Variants in ASB3 observed in about 807,000 individuals in gnomAD.
ASB3 encodes the protein ankyrin repeat and SOCS box protein 3.
In ASB3, 41 loss-of-function variants were observed where a neutral mutation model predicts 54.5. The observed-to-expected ratio is 0.75, with a 90% CI of 0.59 to 0.98. The LOEUF is 0.98. Ranked by LOEUF, ASB3 falls within the 50% of genes least tolerant of loss-of-function variation. The pLI, the probability that ASB3 is intolerant of heterozygous loss-of-function variation, is 0.00. For synonymous variants in ASB3, 266 were observed against 221.2 expected (o/e 1.20, Z -1.80); for missense variants, 733 against 620.0 (o/e 1.18, Z -1.94).
chr2:53,683,149 C>T (rs900128121), intron 9 of ASB3, among the ~76,000 whole-genome samples: 13 of 152,082 alleles, frequency 8.5e-5, no homozygotes, highest in Non-Finnish European at 1.6e-4. Context: ...GAGGCATACC[C>T]GGTTTTTTGA....
chr2:53,721,293 G>A (rs1025491324), intron 5 of ASB3, among the ~76,000 whole-genome samples: 7 of 149,922 alleles, frequency 4.7e-5, no homozygotes, highest in East Asian at 3.9e-4. Flanking sequence ...AGTGGTTCAC[G>A]CCTGTAATCC....
chr2:53,778,442 CAAG>C (rs1204897280), intron 1 of ASB3, among the ~76,000 whole-genome samples: 1 of 152,186 alleles, frequency 6.6e-6, no homozygotes, highest in East Asian at 1.9e-4. Flanking sequence ...TTACTCTTAG[CAAG>C]TATAAAGTAC....
chr2:53,764,745 G>C (rs1184290623), intron 2 of ASB3, among the ~76,000 whole-genome samples: 1 of 152,212 alleles, frequency 6.6e-6, no homozygotes, highest in Non-Finnish European at 1.5e-5. Flanking sequence ...CAAGCATGAA[G>C]TCACTGAATG....
chr2:53,744,265 T>G lies in ASB3; in HGVS notation c.355+6518A>C, dbSNP rs111826207. ...CAGGCGTGGTCACAGGCGCCTGTAATCCCAGCTACTTGAGAGGCTGAGGCA... is the reference window on the plus strand; with the variant it reads ...CAGGCGTGGTCACAGGCGCCTGTAAGCCCAGCTACTTGAGAGGCTGAGGCA... On this transcript the variant is annotated intron_variant, in intron 3 of 9. Coordinates refer to ENST00000263634, the MANE Select transcript of ASB3 (RefSeq NM_016115.5). 5.4e-3 allele frequency among the ~76,000 whole-genome samples: 812 copies of G among 149,662 alleles called. 12 individuals carry two copies. The highest frequency in any genetic ancestry group is 0.019 in the African/African-American group (766 of 40,730).
At chr2:53,766,108 C>T (rs1475777646) in intron 1 of ASB3, among the ~76,000 whole-genome samples, 1 of 152,182 alleles carries the variant, frequency 6.6e-6, no homozygotes, top group East Asian at 1.9e-4. Flanking sequence ...TCTAGTCTTC[C>T]TGCACCTGCT....
intron 5 of ASB3, among the ~76,000 whole-genome samples, chr2:53,723,441 T>A (rs745422532): frequency 3.7e-4 from 57 of 152,274 alleles, no homozygotes; most frequent in Non-Finnish European, 1.2e-4. Flanking sequence ...ACCCAAGCAG[T>A]ATACACTGCA....
chr2:53,763,859 G>A (rs559315685), intron 2 of ASB3, among the ~76,000 whole-genome samples: 24 of 152,076 alleles, frequency 1.6e-4, no homozygotes, highest in Non-Finnish European at 2.6e-4. Flanking sequence ...TATCTTAAGC[G>A]TTTGAAATTA....
chr2:53,737,349 G>A (rs1202264432), intron 3 of ASB3, among the ~76,000 whole-genome samples: 2 of 152,170 alleles, frequency 1.3e-5, no homozygotes, highest in Non-Finnish European at 2.9e-5. Flanking sequence ...CTCAAGTGCA[G>A]TAGTAAACTG....
intron 7 of ASB3, among the ~76,000 whole-genome samples, chr2:53,702,629 A>C (rs543433879): frequency 6.6e-6 from 1 of 152,308 alleles, no homozygotes; most frequent in South Asian, 2.1e-4. Flanking sequence ...ATAAGAAGTG[A>C]ACAACATCAG....
chr2:53,685,832 G>T (rs1668603620), intron 9 of ASB3, among the ~76,000 whole-genome samples: 1 of 152,198 alleles, frequency 6.6e-6, no homozygotes, highest in Non-Finnish European at 1.5e-5. Flanking sequence ...GGCATTGGCT[G>T]ACATTTCACA....
intron 7 of ASB3, among the ~76,000 whole-genome samples, chr2:53,702,769 A>C (rs115377749): frequency 1.3e-5 from 2 of 152,230 alleles, no homozygotes; most frequent in South Asian, 2.1e-4. Flanking sequence ...CACATAAAAG[A>C]AGCACAGTAA....
intron 5 of ASB3, among the ~76,000 whole-genome samples, chr2:53,726,231 G>A (rs985101604): frequency 3.8e-4 from 57 of 151,182 alleles, no homozygotes; most frequent in Admixed American, 2.2e-3. Flanking sequence ...GAGACATTAA[G>A]GTGCAGTTTA....
chr2:53,712,591 T>G (rs549940206), intron 7 of ASB3, among the ~76,000 whole-genome samples: 12 of 152,160 alleles, frequency 7.9e-5, no homozygotes, highest in Admixed American at 3.9e-4. Flanking sequence ...TTTAAGGTGT[T>G]TCAGAGTTAA....
intron 3 of ASB3, among the ~76,000 whole-genome samples, chr2:53,747,996 G>A (rs887679621): frequency 6.6e-6 from 1 of 152,156 alleles, no homozygotes; most frequent in African/African-American, 2.4e-5. Context: ...CCAAAACACA[G>A]ACAACAGCAA....
intron 1 of ASB3, among the ~76,000 whole-genome samples, chr2:53,770,708 A>T (rs1406084444): frequency 6.6e-6 from 1 of 152,154 alleles, no homozygotes; most frequent in African/African-American, 2.4e-5. Flanking sequence ...AATAGTAAAA[A>T]GTGAAGCTTT....
chr2:53,698,428 T>A (rs1669304485), intron 8 of ASB3, among the ~76,000 whole-genome samples: 1 of 152,184 alleles, frequency 6.6e-6, no homozygotes, highest in Non-Finnish European at 1.5e-5. Flanking sequence ...TTTTCCAAAA[T>A]TTTCTACTCT....
At chr2:53,715,255 A>G (rs1381656589) in intron 6 of ASB3, among the ~76,000 whole-genome samples, 1 of 152,208 alleles carries the variant, frequency 6.6e-6, no homozygotes, top group African/African-American at 2.4e-5. Flanking sequence ...AGTCAACTGG[A>G]AAGAAAAAAG....
In ASB3 at chr2:53,769,675, CCT is replaced by C. The variant is rs561088094; in HGVS notation, c.-13-4092_-13-4091del. On this transcript the variant is annotated intron_variant, in intron 1 of 9. Coordinates refer to ENST00000263634, the MANE Select transcript of ASB3 (RefSeq NM_016115.5). The stretch of plus-strand genomic sequence containing the variant: ...CAGCCTGACCAACATGGAGAAACCC[CCT>C]GTCTACTAAAAATACAAAATTAGCT... Among the ~76,000 whole-genome samples, 442 of 152,272 alleles carry C rather than the reference CCT, an allele frequency of 2.9e-3. 2 individuals carry two copies. Among genetic ancestry groups the C allele is most frequent in the South Asian group, 5.2e-3 (25 of 4,826 alleles).
intron 5 of ASB3, among the ~76,000 whole-genome samples, chr2:53,725,834 C>A (rs973197164): frequency 6.6e-6 from 1 of 152,084 alleles, no homozygotes; most frequent in Non-Finnish European, 1.5e-5. Context: ...AAACTAGAAA[C>A]TTCATGATTT....
Sources: allele counts gnomAD v4.1 joint callset (sites outside exome capture counted in the v4.1 genomes callset), GRCh38; gene constraint gnomAD v4.1.1; transcripts MANE v1.5; gene names NCBI Gene and HGNC (gene_info 2026-07-23, HGNC 2026-07-21).